GABRB3: variants seen among roughly 807,000 people sequenced by gnomAD.
The protein encoded by GABRB3 is gamma-aminobutyric acid type A receptor subunit beta3, also known as gamma-aminobutyric acid receptor subunit beta-3.
In GABRB3, 14 loss-of-function variants were observed where a neutral mutation model predicts 52.1. The observed-to-expected ratio is 0.27, with a 90% CI of 0.18 to 0.42. The LOEUF is 0.42. GABRB3 is among the 10% of genes least tolerant of loss of function. GABRB3 has a pLI of 1.00. For synonymous variants in GABRB3, 260 were observed against 232.3 expected, an observed-to-expected ratio of 1.12 and a Z score of -1.08; for missense variants, 307 against 609.1, an observed-to-expected ratio of 0.50 and a Z score of 5.22.
chr15:26,714,479 T>C (rs1180109103), intron 3 of GABRB3, among the ~76,000 whole-genome samples: 1 of 152,174 alleles, frequency 6.6e-6, no homozygotes, highest in Non-Finnish European at 1.5e-5. Context: ...GTATGTAAGA[T>C]GAGCATTGGT....
chr15:26,753,289 GC>G lies in GABRB3; in HGVS notation c.240+19112del, dbSNP rs1180678313. 2.0e-5 allele frequency among the ~76,000 whole-genome samples: 3 copies of G among 152,286 alleles called. No individual in the cohort carries two copies. The East Asian group carries it at 5.8e-4, about 30-fold the overall frequency. On this transcript the variant is annotated intron_variant, in intron 3 of 8. Coordinates refer to ENST00000311550, the MANE Select transcript of GABRB3 (RefSeq NM_000814.6). ...GTGAGGGCTACCTACGCTGGGTGTG[GC>G]AAGAAGAATCGACTGATAATACTGT...
In GABRB3 at chr15:26,727,067, G is replaced by A. The variant is rs570649652; in HGVS notation, c.240+45335C>T. Reference sequence around the variant, plus strand: ...CCAGCTACTAGGGAGGCTGAGGCAGGAGAATTGATTGAACCTAGGAGGTGG... The same window carrying A: ...CCAGCTACTAGGGAGGCTGAGGCAGAAGAATTGATTGAACCTAGGAGGTGG... On this transcript the variant is annotated intron_variant, in intron 3 of 8. Coordinates refer to ENST00000311550, the MANE Select transcript of GABRB3 (RefSeq NM_000814.6). Among the ~76,000 whole-genome samples, 11 of 152,286 alleles carry A rather than the reference G, an allele frequency of 7.2e-5. 1 individual carries two copies. The South Asian group carries it at 1.5e-3, about 20-fold the overall frequency.
intron 3 of GABRB3, among the ~76,000 whole-genome samples, chr15:26,736,281 T>C (rs1890063866): frequency 2.0e-5 from 3 of 152,238 alleles, no homozygotes; most frequent in Non-Finnish European, 4.4e-5. Flanking sequence ...TTAAATAAGC[T>C]ACTTACATAA....
At chr15:26,687,020 C>T (rs1888429066) in intron 3 of GABRB3, among the ~76,000 whole-genome samples, 1 of 152,200 alleles carries the variant, frequency 6.6e-6, no homozygotes, top group Non-Finnish European at 1.5e-5. Context: ...GGGCTCCATG[C>T]CAAGAGGCGC....
chr15:26,649,368 G>A (rs1050385503), intron 3 of GABRB3, among the ~76,000 whole-genome samples: 1 of 152,120 alleles, frequency 6.6e-6, no homozygotes, highest in African/African-American at 2.4e-5. Context: ...CCAGAAACAA[G>A]GCAGCACCTT....
chr15:26,571,658 G>A (rs1890403698), intron 6 of GABRB3, among the ~76,000 whole-genome samples: 1 of 152,144 alleles, frequency 6.6e-6, no homozygotes. Context: ...CCTTGAAGAA[G>A]AGAATACGAA....
At chr15:26,596,070 T>C (rs1192044189) in intron 4 of GABRB3, among the ~76,000 whole-genome samples, 1 of 152,042 alleles carries the variant, frequency 6.6e-6, no homozygotes, top group Non-Finnish European at 1.5e-5. Flanking sequence ...TGTACAGACG[T>C]GCCCACTGCA....
intron 3 of GABRB3, among the ~76,000 whole-genome samples, chr15:26,652,038 T>C (rs1477351843): frequency 6.6e-6 from 1 of 152,148 alleles, no homozygotes; most frequent in Non-Finnish European, 1.5e-5. Flanking sequence ...ACATTCACCA[T>C]CTATTCTCTC....
At chr15:26,677,235 C>T (rs961912910) in intron 3 of GABRB3, among the ~76,000 whole-genome samples, 1 of 152,198 alleles carries the variant, frequency 6.6e-6, no homozygotes, top group Non-Finnish European at 1.5e-5. Context: ...AATACGTTCC[C>T]TATTAGATGA....
chr15:26,640,840 T>C (rs1054987850), intron 3 of GABRB3, among the ~76,000 whole-genome samples: 2 of 152,228 alleles, frequency 1.3e-5, no homozygotes, highest in Non-Finnish European at 2.9e-5. Flanking sequence ...CCAGATTCAG[T>C]TGTAACATAA....
chr15:26,559,665 C>G (rs1406459822), intron 8 of GABRB3, among the ~76,000 whole-genome samples: 1 of 152,184 alleles, frequency 6.6e-6, no homozygotes, highest in African/African-American at 2.4e-5. Flanking sequence ...CAATAACATA[C>G]TGCTTTTATA....
At chr15:26,738,786 C>T (rs1169348657) in intron 3 of GABRB3, among the ~76,000 whole-genome samples, 1 of 152,164 alleles carries the variant, frequency 6.6e-6, no homozygotes, top group African/African-American at 2.4e-5. Flanking sequence ...ACTCTCTGTC[C>T]ACATTCCCTG....
At chr15:26,697,608 C>T (rs1014367207) in intron 3 of GABRB3, among the ~76,000 whole-genome samples, 2 of 152,122 alleles carry the variant, frequency 1.3e-5, no homozygotes, top group Non-Finnish European at 2.9e-5. Flanking sequence ...CCACATTCAC[C>T]CTTAAATGCT....
chr15:26,757,195 G>T (rs1890686947), intron 3 of GABRB3, among the ~76,000 whole-genome samples: 1 of 152,058 alleles, frequency 6.6e-6, no homozygotes, highest in Admixed American at 6.6e-5. Flanking sequence ...ATCCCACCGT[G>T]GTTCCCTTGG....
At chr15:26,724,327 A>G (rs1889716958) in intron 3 of GABRB3, among the ~76,000 whole-genome samples, 1 of 152,158 alleles carries the variant, frequency 6.6e-6, no homozygotes, top group South Asian at 2.1e-4. Flanking sequence ...CTCTTGGCCA[A>G]GAATTCCCTA....
chr15:26,600,442 AC>A (rs1395747484), intron 4 of GABRB3, among the ~76,000 whole-genome samples: 3 of 152,158 alleles, frequency 2.0e-5, no homozygotes, highest in African/African-American at 7.2e-5. Flanking sequence ...TAATCAAACT[AC>A]CAATTATCAA....
intron 3 of GABRB3, among the ~76,000 whole-genome samples, chr15:26,733,639 T>G (rs1889989646): frequency 6.6e-6 from 1 of 152,204 alleles, no homozygotes; most frequent in Admixed American, 6.5e-5. Flanking sequence ...AGGCCCATCA[T>G]AAAATTCATA....
At chr15:26,661,485 C>T (rs905346779) in intron 3 of GABRB3, among the ~76,000 whole-genome samples, 9 of 152,176 alleles carry the variant, frequency 5.9e-5, no homozygotes, top group East Asian at 3.9e-4. Flanking sequence ...GATGTCTACA[C>T]GAGGCATCCC....
chr15:26,636,760 C>A (rs1321210936), intron 3 of GABRB3, among the ~76,000 whole-genome samples: 2 of 152,220 alleles, frequency 1.3e-5, no homozygotes, highest in African/African-American at 4.8e-5. Context: ...TCTCTCCTTG[C>A]AGTTACTCAA....
Sources: gnomAD v4.1 joint callset for allele counts (sites outside exome capture counted in the v4.1 genomes callset) on GRCh38, gnomAD v4.1.1 for gene constraint, MANE v1.5 for transcripts, NCBI Gene and HGNC (gene_info 2026-07-23, HGNC 2026-07-21) for gene names.